The following SPPL3 variants were observed in gnomAD, a reference collection of about 807,000 sequenced individuals.
SPPL3 encodes the protein signal peptide peptidase like 3.
A neutral mutation model predicts 42.4 loss-of-function variants in SPPL3; 5 were observed. The observed-to-expected ratio is 0.12, with a 90% CI of 0.06 to 0.25. SPPL3 has a LOEUF of 0.25. SPPL3 is among the 10% of genes least tolerant of loss of function. The probability of loss-of-function intolerance (pLI) is 1.00; values close to 1 mark genes in which losing one functional copy is unlikely to be tolerated. For missense variants in SPPL3, 235 were observed against 489.0 expected (o/e 0.48, Z 4.90); for synonymous variants, 195 against 181.8 (o/e 1.07, Z -0.58).
At chr12:120,869,638 T>C (rs538345301) in intron 1 of SPPL3, among the ~76,000 whole-genome samples, 4 of 152,348 alleles carry the variant, frequency 2.6e-5, no homozygotes, top group African/African-American at 7.2e-5. Flanking sequence ...TATGACTAGG[T>C]TGGATATTTT....
intron 7 of SPPL3, 182 bp from the exon 8 acceptor site, chr12:120,768,670 A>G: frequency 2.7e-6 from 2 of 738,288 alleles, no homozygotes; most frequent in Non-Finnish European, 4.3e-6. Context: ...CACTCTCCAC[A>G]CCCAGAGATT....
chr12:120,839,415 G>A (rs1026812001), intron 1 of SPPL3, among the ~76,000 whole-genome samples: 1 of 149,980 alleles, frequency 6.7e-6, no homozygotes, highest in Non-Finnish European at 1.5e-5. Flanking sequence ...GCTAAATGAC[G>A]AGTTAATGGG....
intron 1 of SPPL3, among the ~76,000 whole-genome samples, chr12:120,896,118 G>C (rs1379200747): frequency 6.6e-6 from 1 of 152,074 alleles, no homozygotes; most frequent in Non-Finnish European, 1.5e-5. Context: ...TTCCTACCAG[G>C]TTAGGGAATA....
At chr12:120,844,837 TG>T (rs943486205) in intron 1 of SPPL3, among the ~76,000 whole-genome samples, 3 of 151,546 alleles carry the variant, frequency 2.0e-5, no homozygotes, top group East Asian at 3.9e-4. Flanking sequence ...CTCTCAGCAC[TG>T]AACAGAAAGT....
At chr12:120,863,235 C>A (rs1408545643) in intron 1 of SPPL3, among the ~76,000 whole-genome samples, 1 of 151,952 alleles carries the variant, frequency 6.6e-6, no homozygotes, top group African/African-American at 2.4e-5. Context: ...ATAATCCCGG[C>A]TACTCCAGAG....
chr12:120,765,154 T>G lies in SPPL3; in HGVS notation c.1084-84A>C, dbSNP rs1474833463. On this transcript the variant is annotated intron_variant, in intron 10 of 10. Transcript: ENST00000353487. ...TGATTCTTTAAAAAAAAAAAATTTT[T>G]TTTCCAGGTATGAAGTCTTCCTATA... The G allele has an allele frequency of 5.2e-6, 7 of 1,350,550 alleles. No homozygotes were observed. In the East Asian group the frequency reaches 1.8e-4, roughly 34 times the overall value. The allele number at this position is 1,350,550 out of a possible 1,614,324, so 83.7% of individuals were successfully genotyped here.
intron 1 of SPPL3, among the ~76,000 whole-genome samples, chr12:120,828,042 C>T (rs1310554252): frequency 6.6e-6 from 1 of 152,210 alleles, no homozygotes; most frequent in Non-Finnish European, 1.5e-5. Context: ...CCTGCCTCAG[C>T]CTCCCAAAGT....
chr12:120,823,789 A>G (rs1226576273), intron 1 of SPPL3, among the ~76,000 whole-genome samples: 1 of 152,212 alleles, frequency 6.6e-6, no homozygotes, highest in African/African-American at 2.4e-5. Context: ...TGTACAGATG[A>G]AAAAACAGAA....
chr12:120,858,834 G>A (rs1872544003), intron 1 of SPPL3, among the ~76,000 whole-genome samples: 1 of 152,136 alleles, frequency 6.6e-6, no homozygotes, highest in African/African-American at 2.4e-5. Flanking sequence ...CTCTATGGAA[G>A]AACATAATAG....
At chr12:120,900,324 C>G (rs1460311112) in intron 1 of SPPL3, among the ~76,000 whole-genome samples, 1 of 151,146 alleles carries the variant, frequency 6.6e-6, no homozygotes, top group Non-Finnish European at 1.5e-5. Context: ...AAAAAAAAAA[C>G]AGCAGGACCA....
Position 120,833,667 on chromosome 12 carries a change from CAAA to C in SPPL3, c.24-22784_24-22782del, listed in dbSNP as rs139441042. On this transcript the variant is annotated intron_variant, in intron 1 of 10. Coordinates refer to ENST00000353487, the MANE Select transcript of SPPL3 (RefSeq NM_139015.5). ...GCAATATAGTGAGACTCCATCTCTC[CAAA>C]AAAAAAAAAAGAAAAAAAAAAAAAG... Among the ~76,000 whole-genome samples the C allele has an allele frequency of 2.7e-4, 26 of 95,528 alleles. No homozygotes were observed. The East Asian group carries it at 7.6e-3, about 28-fold the overall frequency. The allele number at this position is 95,528 out of a possible 152,430, so 62.7% of individuals were successfully genotyped here.
At chr12:120,845,598 C>T (rs1871998481) in intron 1 of SPPL3, 1 of 470,454 alleles carries the variant, frequency 2.1e-6, no homozygotes, top group Non-Finnish European at 4.1e-6. Context: ...CATGAGGATG[C>T]ACATTTCTTT....
intron 10 of SPPL3, 62 bp from the exon 11 acceptor site, chr12:120,765,132 T>C: frequency 1.3e-6 from 2 of 1,537,874 alleles, no homozygotes; most frequent in East Asian, 2.3e-5. Context: ...AGCTGTCTGA[T>C]TCTTTAAAAA....
intron 1 of SPPL3, among the ~76,000 whole-genome samples, chr12:120,859,236 A>C (rs11833718): frequency 0.092 from 14,070 of 152,188 alleles, 1,937 homozygotes; most frequent in African/African-American, 0.3. Flanking sequence ...CTGCAAATCC[A>C]AAAATCCAAA....
In SPPL3 at chr12:120,790,262, C is replaced by T. The variant is rs1869870241; in HGVS notation, c.190+1207G>A. 3.9e-5 allele frequency among the ~76,000 whole-genome samples: 6 copies of T among 152,272 alleles called. 1 individual carries two copies. The South Asian group carries it at 6.2e-4, about 16-fold the overall frequency. ...ATTATATTTAAATGAGTCGACTTACCGTCTTTATCATGCCCACTTTGGCAC... is the reference window on the plus strand; with the variant it reads ...ATTATATTTAAATGAGTCGACTTACTGTCTTTATCATGCCCACTTTGGCAC... On this transcript the variant is annotated intron_variant, in intron 3 of 10. Transcript: ENST00000353487.
chr12:120,779,331 T>C (rs1869442770), intron 6 of SPPL3, among the ~76,000 whole-genome samples: 1 of 152,188 alleles, frequency 6.6e-6, no homozygotes, highest in South Asian at 2.1e-4. Flanking sequence ...AAACACTGCC[T>C]GGTGGAGTGC....
intron 1 of SPPL3, among the ~76,000 whole-genome samples, chr12:120,866,864 A>T (rs548848671): frequency 6.6e-6 from 1 of 152,356 alleles, no homozygotes; most frequent in South Asian, 2.1e-4. Flanking sequence ...GGCAAATAAA[A>T]GAACATCTGA....
Position 120,793,993 on chromosome 12 carries a change from G to A in SPPL3, c.102-2436C>T, listed in dbSNP as rs1464683872. Reference sequence around the variant, plus strand: ...CCTAATTATTCTATTATTGGGAGTGGTACTGAAATCTTCAGCTATATTTGT... The same window carrying A: ...CCTAATTATTCTATTATTGGGAGTGATACTGAAATCTTCAGCTATATTTGT... On this transcript the variant is annotated intron_variant, in intron 2 of 10. Coordinates refer to ENST00000353487, the MANE Select transcript of SPPL3 (RefSeq NM_139015.5). Among the ~76,000 whole-genome samples, 2 of 152,164 alleles carry A rather than the reference G, an allele frequency of 1.3e-5. 1 individual carries two copies. Among genetic ancestry groups the A allele is most frequent in the Non-Finnish European group, 2.9e-5 (2 of 68,034 alleles).
intron 1 of SPPL3, chr12:120,903,362 C>CGCGCAGCTGCGGCGGCT (rs1555255271): frequency 6.5e-6 from 1 of 154,656 alleles, no homozygotes; most frequent in South Asian, 1.8e-4. Flanking sequence ...AAGCGGCGGC[C>CGCGCAGCTGCGGCGGCT]GCTCCACTCT....
Sources: gnomAD v4.1 joint callset for allele counts (sites outside exome capture counted in the v4.1 genomes callset) on GRCh38, gnomAD v4.1.1 for gene constraint, MANE v1.5 for transcripts, NCBI Gene and HGNC (gene_info 2026-07-23, HGNC 2026-07-21) for gene names.